The following GSDME variants were observed in gnomAD, a reference collection of about 807,000 sequenced individuals.
GSDME encodes the protein gasdermin E.
In GSDME, 44 loss-of-function variants were observed where a neutral mutation model predicts 47.5. The ratio of observed to expected loss-of-function variants is 0.93; its 90% CI spans 0.73 to 1.19. GSDME has a LOEUF of 1.19. Ranked by LOEUF, GSDME falls within the 50% of genes most tolerant of loss-of-function variation. GSDME has a pLI of 0.00. For missense variants in GSDME, 663 were observed against 604.2 expected (o/e 1.10, Z -1.02); for synonymous variants, 258 against 252.8 (o/e 1.02, Z -0.20).
the GSDME span, among the ~76,000 whole-genome samples, chr7:24,788,791 T>C: frequency 6.6e-6 from 1 of 152,182 alleles, no homozygotes; most frequent in Admixed American, 6.5e-5. The surrounding 1 kb of genome is among the most constrained non-coding windows in gnomAD (Gnocchi z 4.6). Flanking sequence ...TTTAAAGATA[T>C]ACTTTAGTGC....
rs907572021 is a variant in GSDME at position 24,712,030 on chromosome 7, G to T, written c.698-1642C>A. 2.0e-5 allele frequency among the ~76,000 whole-genome samples: 3 copies of T among 152,146 alleles called. No homozygotes were observed. The highest frequency in any genetic ancestry group is 7.2e-5 in the African/African-American group (3 of 41,430). ...GGCTATGGAATAAAAATGTGGCAGG[G>T]CCCCGTATTTGCTGAAATGTAGAAG... is the stretch of plus-strand genomic sequence containing the variant. On this transcript the variant is annotated intron_variant, in intron 5 of 9. Coordinates refer to ENST00000645220, the MANE Select transcript of GSDME (RefSeq NM_001127453.2). This position sits in a 1 kb window ranked among gnomAD's most constrained non-coding sequence, Gnocchi z 4.4.
chr7:24,750,149 G>A (rs1402556605), intron 1 of GSDME, among the ~76,000 whole-genome samples: 1 of 152,184 alleles, frequency 6.6e-6, no homozygotes, highest in Non-Finnish European at 1.5e-5. Flanking sequence ...GGGAAAGCCA[G>A]CATCTTGAAC....
chr7:24,718,919 T>C, intron 4 of GSDME, 128 bp downstream of exon 4: 3 of 1,048,654 alleles, frequency 2.9e-6, no homozygotes, highest in Non-Finnish European at 4.4e-6. Context: ...TAAGACAACG[T>C]GAGTTGGGTT....
chr7:24,776,647 A>C, the GSDME span, among the ~76,000 whole-genome samples: 2 of 152,248 alleles, frequency 1.3e-5, no homozygotes, highest in African/African-American at 4.8e-5. Context: ...GCCTTAATTA[A>C]AACTTCCTGC....
upstream of GSDME, among the ~76,000 whole-genome samples, chr7:24,762,139 A>C (rs1255575960): frequency 6.6e-6 from 1 of 151,836 alleles, no homozygotes; most frequent in Non-Finnish European, 1.5e-5. Flanking sequence ...CTGTAGTCCC[A>C]GCTACTCGGG....
chr7:24,722,673 G>T (rs2521758), intron 3 of GSDME, among the ~76,000 whole-genome samples: 93,310 of 152,068 alleles, frequency 0.61, 30,591 homozygotes, highest in East Asian at 0.99. Flanking sequence ...ACTGAACACT[G>T]GACACTGCTC....
At chr7:24,793,963 C>G in the GSDME span, among the ~76,000 whole-genome samples, 3 of 152,190 alleles carry the variant, frequency 2.0e-5, no homozygotes, top group African/African-American at 7.2e-5. Flanking sequence ...AGGAAGGCTA[C>G]GGGTTGTCAG....
chr7:24,786,351 C>T, the GSDME span, among the ~76,000 whole-genome samples: 1 of 152,218 alleles, frequency 6.6e-6, no homozygotes, highest in African/African-American at 2.4e-5. The surrounding 1 kb of genome is among the most constrained non-coding windows in gnomAD (Gnocchi z 5.5). Flanking sequence ...TGGAATCACT[C>T]TGCTTGTATC....
chr7:24,699,638 C>A (rs1395827544), intron 9 of GSDME, among the ~76,000 whole-genome samples: 1 of 152,194 alleles, frequency 6.6e-6, no homozygotes, highest in Admixed American at 6.5e-5. Flanking sequence ...CCACGCCTGG[C>A]CAACTATGTC....
chr7:24,762,170 C>T (rs1258954473), upstream of GSDME, among the ~76,000 whole-genome samples: 1 of 151,102 alleles, frequency 6.6e-6, no homozygotes, highest in Admixed American at 6.6e-5. Context: ...AGGAGAATCA[C>T]CTGAGCCTGG....
In GSDME at chr7:24,708,148, T is replaced by C. The variant is rs397516911; in HGVS notation, c.969A>G (p.Leu323=). The C allele has an allele frequency of 1.9e-6, 3 of 1,613,930 alleles. No individual in the cohort carries two copies. The African/African-American group carries it at 4.0e-5, about 22-fold the overall frequency. Residue 323 remains leucine (L), a synonymous_variant, in exon 7 of 10, where the codon CTA becomes CTG. Transcript: ENST00000645220. ...IFQAVLFDDE[L]LMVLEPVCDD... ...TCACCACTGGTTCCAGGACCATGAG[T>C]AGTTCATCATCAAATAGGACCGCCT... is the stretch of plus-strand genomic sequence containing the variant.
chr7:24,777,656 T>TGA, the GSDME span, among the ~76,000 whole-genome samples: 91,809 of 151,866 alleles, frequency 0.6, 28,817 homozygotes, highest in East Asian at 0.81. Context: ...GGCTCTGATG[T>TGA]GAGTGGTGTC....
chr7:24,775,778 G>A, the GSDME span, among the ~76,000 whole-genome samples: 3 of 150,470 alleles, frequency 2.0e-5, no homozygotes, highest in Non-Finnish European at 2.9e-5. Flanking sequence ...GGGAGGCTGA[G>A]GTGGGAGAAT....
the GSDME span, among the ~76,000 whole-genome samples, chr7:24,794,609 T>C: frequency 1.3e-5 from 2 of 152,208 alleles, no homozygotes; most frequent in African/African-American, 4.8e-5. Context: ...TTCTTTCTGA[T>C]GGCCATCCCA....
chr7:24,762,637 G>A (rs551317453), upstream of GSDME, among the ~76,000 whole-genome samples: 2 of 152,092 alleles, frequency 1.3e-5, no homozygotes, highest in Non-Finnish European at 2.9e-5. Flanking sequence ...TGTGCTTCAT[G>A]CCCTCCAGGT....
chr7:24,731,936 A>G (rs1790158983), intron 3 of GSDME, among the ~76,000 whole-genome samples: 1 of 152,146 alleles, frequency 6.6e-6, no homozygotes, highest in South Asian at 2.1e-4. Flanking sequence ...CCTGAAGTTT[A>G]CCACCCTGAA....
At chr7:24,717,488 A>G (rs1584067913) in intron 4 of GSDME, 114 bp from the exon 5 acceptor site, 1 of 1,513,394 alleles carries the variant, frequency 6.6e-7, no homozygotes, top group East Asian at 2.4e-5. Context: ...CAATGTCCAC[A>G]GAACCGAGTG....
chr7:24,751,959 G>C lies in GSDME; in HGVS notation c.-19-2166C>G, dbSNP rs182028369. 3.5e-4 allele frequency among the ~76,000 whole-genome samples: 53 copies of C among 152,296 alleles called. 1 individual carries two copies. The East Asian group carries it at 5.0e-3, about 14-fold the overall frequency. ...TTCCAGGGAAAGAACCAAGAAAAAG[G>C]CATCTAAATCTCATTGGAGAGAGGC... is the stretch of plus-strand genomic sequence containing the variant. On this transcript the variant is annotated intron_variant, in intron 1 of 9. Transcript: ENST00000645220.
intron 4 of GSDME, among the ~76,000 whole-genome samples, chr7:24,717,739 A>C (rs1030860062): frequency 1.3e-5 from 2 of 152,096 alleles, no homozygotes; most frequent in Non-Finnish European, 2.9e-5. Context: ...CTTAAACAGT[A>C]GCCAAGTTGG....
Sources: gnomAD v4.1 joint callset for allele counts (sites outside exome capture counted in the v4.1 genomes callset) on GRCh38, gnomAD v4.1.1 for gene constraint, Gnocchi (gnomAD v3.1) non-coding constraint, MANE v1.5 for transcripts, NCBI Gene and HGNC (gene_info 2026-07-23, HGNC 2026-07-21) for gene names.